SLC39A11: variants seen among roughly 807,000 people sequenced by gnomAD.
The protein encoded by SLC39A11 is zinc transporter ZIP11.
In SLC39A11, 33 loss-of-function variants were observed where a neutral mutation model predicts 36.1. The observed-to-expected ratio is 0.91, with a 90% confidence interval of 0.69 to 1.22. SLC39A11 has a LOEUF of 1.22. Ranked by LOEUF, SLC39A11 falls within the 50% of genes most tolerant of loss-of-function variation. The pLI is 0.00. For synonymous variants in SLC39A11, 166 were observed against 170.3 expected, an observed-to-expected ratio of 0.97 and a Z score of 0.20; for missense variants, 432 against 430.3, an observed-to-expected ratio of 1.00 and a Z score of -0.03.
chr17:72,881,550 C>T (rs996922470), intron 5 of SLC39A11, among the ~76,000 whole-genome samples: 6 of 152,164 alleles, frequency 3.9e-5, no homozygotes, highest in African/African-American at 1.4e-4. Flanking sequence ...TATTACTCTA[C>T]CAAAAGAGAA....
intron 3 of SLC39A11, among the ~76,000 whole-genome samples, chr17:73,038,721 AAG>A (rs985387639): frequency 1.5e-5 from 2 of 136,234 alleles, no homozygotes; most frequent in Admixed American, 7.8e-5. Context: ...GAAAAAGAGA[AAG>A]AGAGAGAGAG....
intron 4 of SLC39A11, among the ~76,000 whole-genome samples, chr17:73,015,891 A>G (rs762842585): frequency 6.6e-6 from 1 of 152,050 alleles, no homozygotes; most frequent in Non-Finnish European, 1.5e-5. Context: ...CAAGAAGGAG[A>G]TTAGAGCAAA....
chr17:72,849,529 G>A, intron 6 of SLC39A11, 105 bp downstream of exon 6: 1 of 1,219,966 alleles, frequency 8.2e-7, no homozygotes, highest in East Asian at 2.6e-5. Context: ...CTCCAAAAAG[G>A]ACCCACGTCA....
chr17:72,715,118 T>C (rs2073294911), intron 7 of SLC39A11, among the ~76,000 whole-genome samples: 2 of 152,134 alleles, frequency 1.3e-5, no homozygotes, highest in South Asian at 2.1e-4. Context: ...GTTGGCTGCA[T>C]ACATCTCATG....
chr17:72,848,425 A>G (rs2079147297), intron 6 of SLC39A11, among the ~76,000 whole-genome samples: 1 of 152,210 alleles, frequency 6.6e-6, no homozygotes, highest in Non-Finnish European at 1.5e-5. Flanking sequence ...AAATACATCT[A>G]AAGACATAAA....
Position 72,817,293 on chromosome 17 carries a change from C to T in SLC39A11, c.601+32341G>A, listed in dbSNP as rs189320213. 8.8e-3 allele frequency among the ~76,000 whole-genome samples: 1,040 copies of T among 118,604 alleles called. 6 individuals carry two copies. The highest frequency in any genetic ancestry group is 0.048 in the Middle Eastern group (9 of 188). 77.8% of individuals were successfully genotyped at this position (118,604 alleles called of 152,430 possible). ...ATGGCAAGAGAGGAAGCATGAGAGACGGAAGGAAGGAAGGAAGAAAAGAAG... is the reference window on the plus strand; with the variant it reads ...ATGGCAAGAGAGGAAGCATGAGAGATGGAAGGAAGGAAGGAAGAAAAGAAG... On this transcript the variant is annotated intron_variant, in intron 6 of 9. Transcript: ENST00000255559.
intron 6 of SLC39A11, among the ~76,000 whole-genome samples, chr17:72,761,926 C>G (rs1235994416): frequency 1.3e-5 from 2 of 152,216 alleles, no homozygotes; most frequent in Non-Finnish European, 2.9e-5. Flanking sequence ...TACTGCTGAT[C>G]AGGGACCAGA....
intron 7 of SLC39A11, among the ~76,000 whole-genome samples, chr17:72,673,273 T>C (rs772054605): frequency 6.6e-5 from 10 of 152,182 alleles, no homozygotes; most frequent in Non-Finnish European, 1.3e-4. Flanking sequence ...CCTGGCTAGT[T>C]TTTGTATTTT....
At chr17:72,966,987 G>A (rs1458909785) in intron 4 of SLC39A11, among the ~76,000 whole-genome samples, 1 of 152,144 alleles carries the variant, frequency 6.6e-6, no homozygotes, top group Non-Finnish European at 1.5e-5. Context: ...TGTGAACTGT[G>A]CATGCAAAGG....
intron 4 of SLC39A11, among the ~76,000 whole-genome samples, chr17:73,020,039 T>G (rs963500752): frequency 1.3e-5 from 2 of 149,072 alleles, no homozygotes; most frequent in Non-Finnish European, 3.0e-5. Context: ...AACTGAAGAA[T>G]CACACTCCTT....
intron 5 of SLC39A11, among the ~76,000 whole-genome samples, chr17:72,885,669 G>GTTC (rs10684953): frequency 0.52 from 78,438 of 151,224 alleles, 22,201 homozygotes; most frequent in African/African-American, 0.75. Flanking sequence ...GCTGGATCCA[G>GTTC]TTCTTTAGTA....
chr17:73,027,070 C>T (rs995952566), intron 4 of SLC39A11, among the ~76,000 whole-genome samples: 1 of 152,184 alleles, frequency 6.6e-6, no homozygotes, highest in African/African-American at 2.4e-5. Context: ...TACAGTAAGC[C>T]GCGATCATGC....
intron 6 of SLC39A11, among the ~76,000 whole-genome samples, chr17:72,835,486 G>A (rs1242398093): frequency 1.3e-5 from 2 of 152,122 alleles, no homozygotes; most frequent in African/African-American, 4.8e-5. Context: ...TATTGAGACA[G>A]GTCTTGCTCT....
chr17:72,940,363 C>T (rs1376681429), intron 5 of SLC39A11, among the ~76,000 whole-genome samples: 5 of 151,510 alleles, frequency 3.3e-5, no homozygotes, highest in African/African-American at 7.3e-5. Context: ...GTAACCTCTA[C>T]CTCCCAGGTT....
chr17:72,896,856 C>G (rs1361846641), intron 5 of SLC39A11, among the ~76,000 whole-genome samples: 1 of 151,642 alleles, frequency 6.6e-6, no homozygotes, highest in African/African-American at 2.4e-5. Flanking sequence ...AGTTCAAGAC[C>G]AGCCTGACCA....
At chr17:73,066,240 C>T (rs569108865) in intron 3 of SLC39A11, among the ~76,000 whole-genome samples, 3 of 152,168 alleles carry the variant, frequency 2.0e-5, no homozygotes, top group Non-Finnish European at 4.4e-5. Flanking sequence ...GCAACAAACA[C>T]CAAGGCCCCA....
At chr17:72,886,853 AGTGCTCCCTCCTAGG>A (rs1194278544) in intron 5 of SLC39A11, among the ~76,000 whole-genome samples, 3 of 152,158 alleles carry the variant, frequency 2.0e-5, no homozygotes, top group Non-Finnish European at 4.4e-5. Context: ...TTCTGACTGG[AGTGCTCCCTCCTAGG>A]GTGCTCCCTC....
chr17:72,921,470 G>A (rs1423438084), intron 5 of SLC39A11, among the ~76,000 whole-genome samples: 2 of 152,086 alleles, frequency 1.3e-5, no homozygotes, highest in Non-Finnish European at 2.9e-5. Flanking sequence ...GAGTGGAGAG[G>A]AGAAAAAGAA....
chr17:73,005,018 C>G (rs577292871), intron 4 of SLC39A11, among the ~76,000 whole-genome samples: 1 of 152,322 alleles, frequency 6.6e-6, no homozygotes, highest in African/African-American at 2.4e-5. Context: ...TTGTTTTAAA[C>G]AGAGTCTCGC....
Sources: gnomAD v4.1 joint callset for allele counts (sites outside exome capture counted in the v4.1 genomes callset) on GRCh38, gnomAD v4.1.1 for gene constraint, MANE v1.5 for transcripts, NCBI Gene and HGNC (gene_info 2026-07-23, HGNC 2026-07-21) for gene names.